ANKS1B: variants seen among roughly 807,000 people sequenced by gnomAD.
ANKS1B encodes the protein ankyrin repeat and sterile alpha motif domain containing 1B.
In ANKS1B, 36 loss-of-function variants were observed where a neutral mutation model predicts 148.3. That is an observed-to-expected ratio of 0.24 (90% CI 0.19 to 0.32). ANKS1B has a LOEUF of 0.32. Ranked by LOEUF, ANKS1B falls within the 10% of genes least tolerant of loss-of-function variation. The pLI, the probability that ANKS1B is intolerant of heterozygous loss-of-function variation, is 1.00. For missense variants in ANKS1B, 1,157 were observed against 1,542.6 expected, an observed-to-expected ratio of 0.75 and a Z score of 4.19; for synonymous variants, 542 against 560.8, an observed-to-expected ratio of 0.97 and a Z score of 0.47.
intron 19 of ANKS1B, among the ~76,000 whole-genome samples, chr12:98,810,555 A>G (rs1024331296): frequency 6.6e-6 from 1 of 152,176 alleles, no homozygotes; most frequent in Non-Finnish European, 1.5e-5. Context: ...GTAACCCTTT[A>G]GAAGAAATAA....
intron 15 of ANKS1B, among the ~76,000 whole-genome samples, chr12:99,143,493 T>C (rs2071751273): frequency 6.6e-6 from 1 of 152,112 alleles, no homozygotes; most frequent in Non-Finnish European, 1.5e-5. Context: ...GTTGTTTCTG[T>C]GTCTTTGTAG....
chr12:99,407,684 C>A, intron 11 of ANKS1B, among the ~76,000 whole-genome samples: 1 of 145,708 alleles, frequency 6.9e-6, no homozygotes, highest in African/African-American at 2.6e-5. Flanking sequence ...ATACAAAAAC[C>A]AGTAGCATTT....
intron 1 of ANKS1B, among the ~76,000 whole-genome samples, chr12:99,835,880 G>A (rs1323276430): frequency 6.6e-6 from 1 of 152,104 alleles, no homozygotes; most frequent in African/African-American, 2.4e-5. Context: ...CATAGCACAC[G>A]TTTACCTATG....
intron 1 of ANKS1B, among the ~76,000 whole-genome samples, chr12:99,950,161 G>A (rs2095180388): frequency 8.3e-6 from 1 of 120,896 alleles, no homozygotes; most frequent in African/African-American, 3.3e-5. Flanking sequence ...AGCTCTGTCT[G>A]TGTTGCCCAG....
chr12:99,765,403 A>G (rs927689378), intron 8 of ANKS1B, among the ~76,000 whole-genome samples: 6 of 152,112 alleles, frequency 3.9e-5, no homozygotes, highest in Admixed American at 6.5e-5. Flanking sequence ...AGTTGTAGTC[A>G]TCTATATACC....
chr12:99,007,438 T>C (rs1490919170), intron 17 of ANKS1B, among the ~76,000 whole-genome samples: 1 of 152,170 alleles, frequency 6.6e-6, no homozygotes, highest in African/African-American at 2.4e-5. Flanking sequence ...AATCTGACCA[T>C]GGTGAGGAAC....
intron 12 of ANKS1B, among the ~76,000 whole-genome samples, chr12:99,260,381 T>C (rs940806914): frequency 6.6e-6 from 1 of 152,214 alleles, no homozygotes; most frequent in African/African-American, 2.4e-5. Context: ...GTAAAAGCTC[T>C]GAGAATGCAG....
intron 9 of ANKS1B, among the ~76,000 whole-genome samples, chr12:99,527,846 T>C (rs2096942300): frequency 6.7e-6 from 1 of 148,196 alleles, no homozygotes; most frequent in African/African-American, 2.5e-5. Context: ...ATTCTTAACA[T>C]AATGAGAAAA....
At chr12:98,865,321 C>T (rs2099619064) in intron 17 of ANKS1B, among the ~76,000 whole-genome samples, 1 of 152,098 alleles carries the variant, frequency 6.6e-6, no homozygotes, top group South Asian at 2.1e-4. Context: ...AAATTATGTC[C>T]CTCCCCTCCC....
Position 99,564,394 on chromosome 12 carries a change from ATTAAG to A in ANKS1B, c.1273-59758_1273-59754del, listed in dbSNP as rs527442763. Among the ~76,000 whole-genome samples the A allele has an allele frequency of 8.1e-3, 1,232 of 152,140 alleles. 7 individuals carry two copies. The highest frequency in any genetic ancestry group is 0.014 in the Non-Finnish European group (928 of 67,934). On this transcript the variant is annotated intron_variant, in intron 9 of 26. Coordinates refer to ENST00000683438, the MANE Select transcript of ANKS1B (RefSeq NM_001352186.2). ...AAATTGATTGCTCAGTGAAAAAAAA[ATTAAG>A]TTATAATACTCTATATAAAATTATC...
intron 9 of ANKS1B, among the ~76,000 whole-genome samples, chr12:99,592,881 G>A (rs541678810): frequency 2.6e-4 from 40 of 152,148 alleles, no homozygotes; most frequent in African/African-American, 9.2e-4. Flanking sequence ...CCAAAAAGGT[G>A]GGACAACTCA....
At chr12:99,505,139 A>G (rs1480062075) in intron 9 of ANKS1B, among the ~76,000 whole-genome samples, 1 of 152,104 alleles carries the variant, frequency 6.6e-6, no homozygotes, top group Non-Finnish European at 1.5e-5. Flanking sequence ...CTCTCTTTGG[A>G]TGCAGTTTTG....
At chr12:99,778,205 G>GAA (rs139497214) in intron 6 of ANKS1B, among the ~76,000 whole-genome samples, 1 of 148,732 alleles carries the variant, frequency 6.7e-6, no homozygotes, top group African/African-American at 2.5e-5. Flanking sequence ...CTCTCAAAAA[G>GAA]AAAAAAAAAG....
At chr12:99,294,315 T>C (rs902206164) in intron 12 of ANKS1B, among the ~76,000 whole-genome samples, 6 of 152,216 alleles carry the variant, frequency 3.9e-5, no homozygotes, top group African/African-American at 1.4e-4. Flanking sequence ...AAATGTGGTA[T>C]ATACACATAA....
intron 16 of ANKS1B, among the ~76,000 whole-genome samples, chr12:99,061,931 G>C (rs546124735): frequency 6.6e-6 from 1 of 152,160 alleles, no homozygotes; most frequent in East Asian, 1.9e-4. Context: ...GATAAGAGGA[G>C]AAAAATGCAG....
At chr12:99,162,017 C>T (rs1344047423) in intron 14 of ANKS1B, among the ~76,000 whole-genome samples, 1 of 151,848 alleles carries the variant, frequency 6.6e-6, no homozygotes, top group Non-Finnish European at 1.5e-5. Flanking sequence ...CTGATATATG[C>T]TGCAAATTGC....
At chr12:99,699,442 T>G (rs1374207409) in intron 8 of ANKS1B, among the ~76,000 whole-genome samples, 3 of 152,274 alleles carry the variant, frequency 2.0e-5, no homozygotes, top group Admixed American at 6.5e-5. Flanking sequence ...AATATATGCC[T>G]TTTCATCCCC....
At chr12:98,947,990 A>T (rs958019809) in intron 17 of ANKS1B, among the ~76,000 whole-genome samples, 1 of 152,162 alleles carries the variant, frequency 6.6e-6, no homozygotes, top group African/African-American at 2.4e-5. Flanking sequence ...TACAGCCTCT[A>T]TCTTTAGAAA....
At chr12:98,788,090 T>C (rs1008281113) in intron 22 of ANKS1B, among the ~76,000 whole-genome samples, 1 of 151,714 alleles carries the variant, frequency 6.6e-6, no homozygotes, top group Non-Finnish European at 1.5e-5. Flanking sequence ...TACCAAGACA[T>C]TCCTATGGGG....
Sources: allele counts gnomAD v4.1 joint callset (sites outside exome capture counted in the v4.1 genomes callset), GRCh38; gene constraint gnomAD v4.1.1; transcripts MANE v1.5; gene names NCBI Gene and HGNC (gene_info 2026-07-23, HGNC 2026-07-21).